The following DPP6 variants were observed in gnomAD, a reference collection of about 807,000 sequenced individuals.
The protein encoded by DPP6 is dipeptidyl peptidase like 6.
In DPP6, 69 loss-of-function variants were observed where a neutral mutation model predicts 122.6. That is an observed-to-expected ratio of 0.56 (90% CI 0.46 to 0.69). The LOEUF is 0.69. DPP6 is among the 30% of genes least tolerant of loss of function. DPP6 has a pLI of 0.00. For missense variants in DPP6, 928 were observed against 1,116.9 expected (o/e 0.83, Z 2.41); for synonymous variants, 418 against 433.1 (o/e 0.97, Z 0.43).
At chr7:154,087,950 G>A (rs1451654454) in intron 1 of DPP6, among the ~76,000 whole-genome samples, 3 of 152,336 alleles carry the variant, frequency 2.0e-5, no homozygotes, top group African/African-American at 4.8e-5. Flanking sequence ...TTCATCGGGT[G>A]TTCACTGAAT....
chr7:154,647,938 G>T (rs1836599428), intron 6 of DPP6, among the ~76,000 whole-genome samples: 1 of 151,962 alleles, frequency 6.6e-6, no homozygotes, highest in Non-Finnish European at 1.5e-5. Flanking sequence ...GCTGTGCTGT[G>T]TGTTCCTTCT....
chr7:153,748,158 G>A, the DPP6 span, among the ~76,000 whole-genome samples: 1 of 152,222 alleles, frequency 6.6e-6, no homozygotes, highest in African/African-American at 2.4e-5. Flanking sequence ...CTCAGCTGTA[G>A]CTCGTGCAGC....
At position 154,543,028 on chromosome 7, in the gene DPP6, C is replaced by A. The variant is rs142728839; in HGVS notation, c.552+2402C>A. Among the ~76,000 whole-genome samples the A allele has an allele frequency of 2.0e-3, 298 of 152,218 alleles. 2 individuals carry two copies. The highest frequency in any genetic ancestry group is 6.8e-3 in the African/African-American group (282 of 41,552). The stretch of plus-strand genomic sequence containing the variant: ...TATGGAGAAGGTGAAGCCTGGTGTT[C>A]CACAGGGGCTGGAGGTTGGAGGATC... On this transcript the variant is annotated intron_variant, in intron 4 of 25. Coordinates refer to ENST00000377770, the MANE Select transcript of DPP6 (RefSeq NM_130797.4).
chr7:154,352,210 T>C (rs1810919760), intron 1 of DPP6, among the ~76,000 whole-genome samples: 1 of 152,096 alleles, frequency 6.6e-6, no homozygotes, highest in Non-Finnish European at 1.5e-5. Context: ...ACGCCTGTAA[T>C]CCCAGCACTT....
In DPP6 at chr7:154,435,228, G is replaced by C. The variant is rs138945464; in HGVS notation, c.244-10986G>C. On this transcript the variant is annotated intron_variant, in intron 1 of 25. Coordinates refer to ENST00000377770, the MANE Select transcript of DPP6 (RefSeq NM_130797.4). ...GGACATTGAAAGAGCAACAGGGACA[G>C]AGAGACAGAGAGAGAACAAGGAGAA... Among the ~76,000 whole-genome samples, 1,254 of 152,202 alleles carry C rather than the reference G, an allele frequency of 8.2e-3. 19 individuals are homozygous for C. Among genetic ancestry groups the C allele is most frequent in the African/African-American group, 0.028 (1,162 of 41,498 alleles).
chr7:154,733,452 A>C (rs953631364), intron 8 of DPP6, among the ~76,000 whole-genome samples: 1 of 152,170 alleles, frequency 6.6e-6, no homozygotes, highest in African/African-American at 2.4e-5. Context: ...CCTGCTTTGC[A>C]CTTCTTTATA....
At chr7:154,597,157 CAGAG>C (rs1233756850) in intron 5 of DPP6, among the ~76,000 whole-genome samples, 17 of 132,490 alleles carry the variant, frequency 1.3e-4, no homozygotes, top group Non-Finnish European at 1.3e-4. Flanking sequence ...GACACAGAGA[CAGAG>C]AGGGAGAGAA....
intron 1 of DPP6, among the ~76,000 whole-genome samples, chr7:153,961,365 G>T (rs1795343710): frequency 6.6e-6 from 1 of 151,254 alleles, no homozygotes; most frequent in African/African-American, 2.4e-5. Flanking sequence ...TTTTTTACCA[G>T]GGCCAGTCTT....
chr7:154,727,175 T>G (rs528752180), intron 7 of DPP6, among the ~76,000 whole-genome samples: 6 of 152,054 alleles, frequency 3.9e-5, no homozygotes, highest in Non-Finnish European at 8.8e-5. Context: ...TAAAAAGAGG[T>G]TTAATTGACT....
the DPP6 span, among the ~76,000 whole-genome samples, chr7:153,815,053 C>T: frequency 0.17 from 26,308 of 152,088 alleles, 2,604 homozygotes; most frequent in Admixed American, 0.32. Flanking sequence ...TGGCACAAGA[C>T]AGGGATGGCC....
intron 16 of DPP6, among the ~76,000 whole-genome samples, chr7:154,822,066 C>G (rs7782155): frequency 0.61 from 93,203 of 151,896 alleles, 31,688 homozygotes; most frequent in Non-Finnish European, 0.77. Context: ...TTTCTCTGGT[C>G]ACATCCTCGC....
the DPP6 span, among the ~76,000 whole-genome samples, chr7:153,752,213 AG>A: frequency 6.6e-6 from 1 of 151,688 alleles, no homozygotes; most frequent in Middle Eastern, 3.5e-3. Context: ...CTTTTTATTA[AG>A]GGGGAGCATG....
At chr7:154,570,591 T>A (rs1831046558) in intron 5 of DPP6, among the ~76,000 whole-genome samples, 1 of 152,230 alleles carries the variant, frequency 6.6e-6, no homozygotes, top group African/African-American at 2.4e-5. Flanking sequence ...AAATATGTAA[T>A]AAAAGGAAAA....
At chr7:154,830,139 A>G (rs566090011) in intron 16 of DPP6, among the ~76,000 whole-genome samples, 3 of 152,176 alleles carry the variant, frequency 2.0e-5, no homozygotes, top group African/African-American at 7.2e-5. Context: ...TGAGTCTTCC[A>G]GCTATGCCTT....
intron 1 of DPP6, among the ~76,000 whole-genome samples, chr7:154,141,522 A>C (rs1457072291): frequency 6.6e-6 from 1 of 152,214 alleles, no homozygotes; most frequent in Non-Finnish European, 1.5e-5. Context: ...TGAACAAATC[A>C]ATCAATTAAT....
At chr7:154,669,298 G>A in intron 6 of DPP6, 62 bp from the exon 7 acceptor site, 1 of 1,551,064 alleles carries the variant, frequency 6.4e-7, no homozygotes, top group Non-Finnish European at 8.7e-7. Flanking sequence ...TAAAATTGCA[G>A]CAGCTTAAAT....
At position 154,537,908 on chromosome 7, in the gene DPP6, T is replaced by C. The variant is rs192093957; in HGVS notation, c.458-2624T>C. On this transcript the variant is annotated intron_variant, in intron 3 of 25. Coordinates refer to ENST00000377770, the MANE Select transcript of DPP6 (RefSeq NM_130797.4). Reference sequence around the variant, plus strand: ...TAGGAATGACTGGTATCCATTGTAATATACACTAGAATCGTGTACATCAGT... The same window carrying C: ...TAGGAATGACTGGTATCCATTGTAACATACACTAGAATCGTGTACATCAGT... 2.7e-4 allele frequency among the ~76,000 whole-genome samples: 41 copies of C among 152,204 alleles called. 1 individual carries two copies. The East Asian group carries it at 6.8e-3, about 25-fold the overall frequency.
intron 17 of DPP6, among the ~76,000 whole-genome samples, chr7:154,855,823 CT>C (rs1303260993): frequency 6.6e-6 from 1 of 152,104 alleles, no homozygotes; most frequent in Non-Finnish European, 1.5e-5. Flanking sequence ...ACTGTGACAT[CT>C]TTTTTTTCCT....
intron 1 of DPP6, among the ~76,000 whole-genome samples, chr7:153,917,067 G>A (rs1433551925): frequency 6.6e-6 from 1 of 152,234 alleles, no homozygotes; most frequent in South Asian, 2.1e-4. Context: ...ATTCCATTCA[G>A]TGGGTCTGGG....
Sources: allele counts gnomAD v4.1 joint callset (sites outside exome capture counted in the v4.1 genomes callset), GRCh38; gene constraint gnomAD v4.1.1; transcripts MANE v1.5; gene names NCBI Gene and HGNC (gene_info 2026-07-23, HGNC 2026-07-21).